The following PSD3 variants were observed in gnomAD, a reference collection of about 807,000 sequenced individuals.
PSD3 encodes the protein pleckstrin and Sec7 domain containing 3.
In PSD3, 49 loss-of-function variants were observed where a neutral mutation model predicts 105.5. The ratio of observed to expected loss-of-function variants is 0.46; its 90% CI spans 0.37 to 0.59. The LOEUF (loss-of-function observed/expected upper bound fraction) is 0.59. Ranked by LOEUF, PSD3 falls within the 20% of genes least tolerant of loss-of-function variation. The probability of loss-of-function intolerance (pLI) is 0.00; values close to 1 mark genes in which losing one functional copy is unlikely to be tolerated. For synonymous variants in PSD3, 557 were observed against 457.8 expected, an observed-to-expected ratio of 1.22 and a Z score of -2.77; for missense variants, 1,561 against 1,263.8, an observed-to-expected ratio of 1.24 and a Z score of -3.57.
In PSD3 at chr8:18,804,860, G is replaced by A. The variant is rs749952868; in HGVS notation, c.1673C>T (p.Ser558Phe). 9.2e-5 allele frequency: 149 copies of A among 1,612,942 alleles called. No individual in the cohort carries two copies. Among genetic ancestry groups the A allele is most frequent in the Non-Finnish European group, 1.2e-4 (144 of 1,179,008 alleles). ...CAAAATTTCAGTGCTCCCCATTTCAGAATGAGCTTCTAGCCGTGTTGTTTT... is the reference window on the plus strand; with the variant it reads ...CAAAATTTCAGTGCTCCCCATTTCAAAATGAGCTTCTAGCCGTGTTGTTTT... Reference protein sequence around the residue: ...GVKTTRLEAHSEMGSTEILEK... With the variant: ...GVKTTRLEAHFEMGSTEILEK... Residue 558 changes from serine (S) to phenylalanine (F), a missense_variant, in exon 5 of 16, where the codon TCT (serine) becomes TTT (phenylalanine). Transcript: ENST00000327040.
At chr8:18,725,822 T>C (rs1173534144) in intron 9 of PSD3, among the ~76,000 whole-genome samples, 2 of 151,668 alleles carry the variant, frequency 1.3e-5, no homozygotes, top group African/African-American at 4.8e-5. Context: ...AAGAAACAAG[T>C]TATAAAAGAG....
chr8:18,614,825 G>T (rs551298678), intron 11 of PSD3, among the ~76,000 whole-genome samples: 2 of 149,808 alleles, frequency 1.3e-5, no homozygotes, highest in Non-Finnish European at 3.0e-5. Flanking sequence ...TCATAGACAC[G>T]GGGTCTTGCA....
At chr8:18,839,911 A>G (rs1030161748) in intron 4 of PSD3, among the ~76,000 whole-genome samples, 3 of 152,170 alleles carry the variant, frequency 2.0e-5, no homozygotes, top group African/African-American at 7.2e-5. Context: ...CTTTGTGGTT[A>G]TCTCACCCAC....
intron 15 of PSD3, among the ~76,000 whole-genome samples, chr8:18,537,678 CATTCT>C (rs1563299948): frequency 2.2e-5 from 1 of 45,014 alleles, no homozygotes; most frequent in Non-Finnish European, 5.0e-5. Context: ...GTTAGCCTCT[CATTCT>C]TTTTTTTTTT....
At chr8:18,663,830 G>C (rs778850366) in intron 9 of PSD3, among the ~76,000 whole-genome samples, 1 of 152,166 alleles carries the variant, frequency 6.6e-6, no homozygotes, top group Non-Finnish European at 1.5e-5. Context: ...TTGAAGGTTT[G>C]TGGCTACCCT....
intron 10 of PSD3, among the ~76,000 whole-genome samples, chr8:18,649,029 C>A (rs975753603): frequency 6.6e-6 from 1 of 152,234 alleles, no homozygotes; most frequent in Non-Finnish European, 1.5e-5. Context: ...GTGGAACCCT[C>A]TTGGAGAACC....
rs576443597 is a variant in PSD3, at chr8:18,875,086, C to T, written c.131-2353G>A. ...GGCATGCACCATCATGTCCAGCTAA[C>T]GTTTTTACTTTTTGTAGAGATGGGG... On this transcript the variant is annotated intron_variant, in intron 2 of 15. Transcript: ENST00000327040. Among the ~76,000 whole-genome samples, 10 of 152,186 alleles carry T rather than the reference C, an allele frequency of 6.6e-5. No homozygotes were observed. The East Asian group carries it at 1.4e-3, about 21-fold the overall frequency.
chr8:18,537,641 G>C (rs1799913808), intron 15 of PSD3, among the ~76,000 whole-genome samples: 1 of 151,784 alleles, frequency 6.6e-6, no homozygotes, highest in Non-Finnish European at 1.5e-5. Flanking sequence ...TGATAAAAGG[G>C]ACAGACTTTA....
intron 6 of PSD3, 147 bp downstream of exon 6, chr8:18,804,375 G>T: frequency 1.5e-6 from 1 of 684,756 alleles, no homozygotes; most frequent in Non-Finnish European, 2.3e-6. Context: ...AACACTTATG[G>T]ACCCAAACAT....
intron 11 of PSD3, among the ~76,000 whole-genome samples, chr8:18,607,622 C>G (rs766368777): frequency 5.8e-5 from 8 of 138,336 alleles, no homozygotes; most frequent in Non-Finnish European, 1.2e-4. Flanking sequence ...TACTTAAGAG[C>G]TGAGGCTGGG....
chr8:18,769,728 C>T (rs558869268), intron 8 of PSD3, among the ~76,000 whole-genome samples: 71 of 152,312 alleles, frequency 4.7e-4, no homozygotes, highest in African/African-American at 1.6e-3. Flanking sequence ...TAAATGGAAT[C>T]ATATAAAATG....
At chr8:18,786,572 T>A (rs927637119) in intron 8 of PSD3, among the ~76,000 whole-genome samples, 1 of 152,140 alleles carries the variant, frequency 6.6e-6, no homozygotes, top group Non-Finnish European at 1.5e-5. Flanking sequence ...GAAACAGCCA[T>A]TAGGAAAAAT....
intron 1 of PSD3, among the ~76,000 whole-genome samples, chr8:19,007,169 G>A (rs1476391448): frequency 6.6e-6 from 1 of 151,896 alleles, no homozygotes; most frequent in Non-Finnish European, 1.5e-5. Flanking sequence ...CAGGAGAATC[G>A]CTTGAGCCCG....
chr8:19,063,012 T>C (rs949270528), intron 1 of PSD3, among the ~76,000 whole-genome samples: 1 of 151,534 alleles, frequency 6.6e-6, no homozygotes, highest in Non-Finnish European at 1.5e-5. Context: ...TAATTAGAAG[T>C]CATGTGTGAG....
chr8:18,626,451 C>T (rs761731404), intron 11 of PSD3, among the ~76,000 whole-genome samples: 6 of 152,090 alleles, frequency 3.9e-5, no homozygotes, highest in Admixed American at 6.6e-5. Flanking sequence ...CCTATAGTGA[C>T]CATGCTTAAT....
intron 11 of PSD3, among the ~76,000 whole-genome samples, chr8:18,605,487 T>C (rs1004738461): frequency 5.9e-5 from 9 of 152,130 alleles, no homozygotes; most frequent in African/African-American, 1.4e-4. Flanking sequence ...GGTTCATAGG[T>C]AGAAGGAACT....
chr8:19,060,598 C>A (rs1828863204), intron 1 of PSD3, among the ~76,000 whole-genome samples: 1 of 152,208 alleles, frequency 6.6e-6, no homozygotes. Context: ...TGCACCACTG[C>A]ACTCCAGCCT....
At chr8:18,902,021 GA>G (rs369193184) in intron 2 of PSD3, among the ~76,000 whole-genome samples, 1 of 150,754 alleles carries the variant, frequency 6.6e-6, no homozygotes. Context: ...AAAGAAAAAA[GA>G]AAAAAAAAGA....
At chr8:18,999,104 C>A (rs1826234244) in intron 1 of PSD3, among the ~76,000 whole-genome samples, 1 of 152,028 alleles carries the variant, frequency 6.6e-6, no homozygotes, top group African/African-American at 2.4e-5. Flanking sequence ...GTGAGGCAGA[C>A]AAATGCCAAA....
Sources: gnomAD v4.1 joint callset for allele counts (sites outside exome capture counted in the v4.1 genomes callset) on GRCh38, gnomAD v4.1.1 for gene constraint, MANE v1.5 for transcripts, NCBI Gene and HGNC (gene_info 2026-07-23, HGNC 2026-07-21) for gene names.